Variants in MPHOSPH9 observed in about 807,000 individuals in gnomAD.
MPHOSPH9 encodes M-phase phosphoprotein 9.
A neutral mutation model predicts 145.5 loss-of-function variants in MPHOSPH9; 88 were observed. The observed-to-expected ratio is 0.60, with a 90% CI of 0.51 to 0.72. The LOEUF (loss-of-function observed/expected upper bound fraction) is 0.72. Ranked by LOEUF, MPHOSPH9 falls within the 30% of genes least tolerant of loss-of-function variation. The pLI, the probability that MPHOSPH9 is intolerant of heterozygous loss-of-function variation, is 0.00. For missense variants in MPHOSPH9, 1,238 were observed against 1,386.6 expected, an observed-to-expected ratio of 0.89 and a Z score of 1.70; for synonymous variants, 435 against 486.2, an observed-to-expected ratio of 0.89 and a Z score of 1.39.
At chr12:123,169,790 G>A (rs927474776) in intron 16 of MPHOSPH9, among the ~76,000 whole-genome samples, 10 of 151,700 alleles carry the variant, frequency 6.6e-5, no homozygotes, top group South Asian at 6.3e-4. Flanking sequence ...TAGAAGTGAC[G>A]GGGTTTCACC....
chr12:123,169,759 C>G (rs962795990), intron 16 of MPHOSPH9, among the ~76,000 whole-genome samples: 2 of 151,620 alleles, frequency 1.3e-5, no homozygotes, highest in Non-Finnish European at 2.9e-5. Flanking sequence ...CACCACTGTG[C>G]CCAGCTAATT....
chr12:123,216,940 G>C (rs919879337), intron 6 of MPHOSPH9, among the ~76,000 whole-genome samples: 8 of 151,310 alleles, frequency 5.3e-5, no homozygotes, highest in Middle Eastern at 3.5e-3. Flanking sequence ...AGTGAGCTGA[G>C]ATTATGTCAC....
intron 13 of MPHOSPH9, among the ~76,000 whole-genome samples, chr12:123,184,992 C>G (rs989672691): frequency 4.6e-5 from 7 of 151,942 alleles, no homozygotes; most frequent in African/African-American, 1.7e-4. Context: ...TTAGTAGAGA[C>G]AGGGTTTCAC....
chr12:123,198,998 A>G (rs977336356), intron 11 of MPHOSPH9, among the ~76,000 whole-genome samples: 4 of 151,462 alleles, frequency 2.6e-5, no homozygotes, highest in Non-Finnish European at 4.4e-5. Context: ...TGGGGTAGGG[A>G]GATTTACTTT....
chr12:123,194,803 G>A (rs1008167222), intron 12 of MPHOSPH9, among the ~76,000 whole-genome samples: 7 of 151,748 alleles, frequency 4.6e-5, no homozygotes, highest in African/African-American at 1.7e-4. Context: ...TGTATTTTTA[G>A]TAGAGACAGG....
intron 5 of MPHOSPH9, among the ~76,000 whole-genome samples, chr12:123,220,938 C>T (rs2047172030): frequency 6.6e-6 from 1 of 152,016 alleles, no homozygotes; most frequent in Admixed American, 6.6e-5. Flanking sequence ...GCCTGTAGTC[C>T]CAGCTACTCA....
At position 123,211,132 on chromosome 12, in the gene MPHOSPH9, G is replaced by C. The variant is rs570431919; in HGVS notation, c.1088-970C>G. Among the ~76,000 whole-genome samples the C allele has an allele frequency of 1.1e-4, 17 of 152,152 alleles. No homozygotes were observed. The South Asian group carries it at 2.7e-3, about 24-fold the overall frequency. On this transcript the variant is annotated intron_variant, in intron 7 of 23. Coordinates refer to ENST00000606320, the MANE Select transcript of MPHOSPH9 (RefSeq NM_022782.4). ...CCTGAGTAGCTGAGGTTACAGGAAT[G>C]CACCATCACGCCCTGCTAATTTTTG...
At chr12:123,230,237 A>AT (rs769774181) in intron 2 of MPHOSPH9, 24 bp downstream of exon 2, 25 of 1,275,908 alleles carry the variant, frequency 2.0e-5, no homozygotes, top group Non-Finnish European at 2.5e-5. Context: ...GATTTGGTAC[A>AT]TTTTTTTTAA....
intron 13 of MPHOSPH9, 21 bp downstream of exon 13, chr12:123,194,365 T>C (rs992689138): frequency 2.5e-5 from 36 of 1,445,838 alleles, no homozygotes; most frequent in Non-Finnish European, 3.3e-5. Flanking sequence ...CGTCATTAAG[T>C]TACTATTATT....
At chr12:123,152,410 C>T (rs1353251110), downstream of MPHOSPH9, 2 of 355,870 alleles carry the variant, frequency 5.6e-6, no homozygotes, top group Admixed American at 7.0e-5. Context: ...CTTCACGACT[C>T]CAGCATCTGG....
chr12:123,242,509 T>C (rs546313515), intron 1 of MPHOSPH9, among the ~76,000 whole-genome samples: 1 of 152,144 alleles, frequency 6.6e-6, no homozygotes, highest in Admixed American at 6.6e-5. Flanking sequence ...AGTGGAACCA[T>C]GGGTGTGTTT....
intron 3 of MPHOSPH9, among the ~76,000 whole-genome samples, chr12:123,226,077 A>G (rs1445892430): frequency 6.6e-6 from 1 of 152,180 alleles, no homozygotes; most frequent in Non-Finnish European, 1.5e-5. Context: ...ATGAGTAGAT[A>G]CATTAAGGGA....
Position 123,156,625 on chromosome 12 carries a change from TAAC to T in MPHOSPH9, c.*179_*181del. ...AAAATATACAAGAGATTCCTGAGCA[TAAC>T]AAAAATATCTTGAAAATATGTGGCC... On this transcript the variant is annotated 3_prime_UTR_variant, in exon 24 of 24. Transcript: ENST00000606320. The T allele has an allele frequency of 2.3e-6, 1 of 440,914 alleles. No individual in the cohort carries two copies. The highest frequency in any genetic ancestry group is 4.0e-6 in the Non-Finnish European group (1 of 249,138). 27.3% of individuals were successfully genotyped at this position (440,914 alleles called of 1,614,324 possible). A position where few individuals can be genotyped will look rare whatever the true frequency, so the allele number is the denominator to read the frequency against.
intron 18 of MPHOSPH9, 45 bp downstream of exon 18, chr12:123,165,257 G>A (rs760457884): frequency 6.7e-7 from 1 of 1,482,324 alleles, no homozygotes; most frequent in Admixed American, 2.1e-5. Context: ...TATAAATGGG[G>A]AAAAGATATC....
chr12:123,162,522 T>A (rs2137885653), intron 20 of MPHOSPH9: 1 of 193,822 alleles, frequency 5.2e-6, no homozygotes, highest in Admixed American at 6.0e-5. Flanking sequence ...TGAGGTTCAA[T>A]GTGCTTAACT....
chr12:123,210,693 C>CA (rs1001940827), intron 7 of MPHOSPH9, among the ~76,000 whole-genome samples: 1 of 148,338 alleles, frequency 6.7e-6, no homozygotes, highest in Non-Finnish European at 1.5e-5. Context: ...GACAGAGTCT[C>CA]AAAAAAAAAT....
chr12:123,198,032 C>T (rs1406501127), intron 12 of MPHOSPH9, among the ~76,000 whole-genome samples: 3 of 146,680 alleles, frequency 2.0e-5, no homozygotes, highest in African/African-American at 7.6e-5. Context: ...TGCAGTGAGC[C>T]AAGACCGCGC....
At chr12:123,192,355 G>A (rs2045715365) in intron 13 of MPHOSPH9, among the ~76,000 whole-genome samples, 2 of 151,594 alleles carry the variant, frequency 1.3e-5, no homozygotes, top group South Asian at 4.2e-4. Context: ...TCAGGAGGCT[G>A]AGGCAGAAGC....
chr12:123,211,368 G>A (rs561048062), intron 7 of MPHOSPH9, among the ~76,000 whole-genome samples: 7 of 151,046 alleles, frequency 4.6e-5, no homozygotes, highest in Non-Finnish European at 5.9e-5. Context: ...TGATCCTCCC[G>A]CCCCGGCCTC....
Sources: allele counts gnomAD v4.1 joint callset (sites outside exome capture counted in the v4.1 genomes callset), GRCh38; gene constraint gnomAD v4.1.1; transcripts MANE v1.5; gene names NCBI Gene and HGNC (gene_info 2026-07-23, HGNC 2026-07-21).